EPHA6: variants seen among roughly 807,000 people sequenced by gnomAD.
EPHA6 encodes the protein EPH receptor A6, also known as ephrin type-A receptor 6.
In EPHA6, 50 loss-of-function variants were observed where a neutral mutation model predicts 112.0. That is an observed-to-expected ratio of 0.45 (90% CI 0.36 to 0.56). EPHA6 has a LOEUF of 0.56. Among genes scored for constraint, EPHA6 ranks in the 20% least tolerant of loss-of-function variants. EPHA6 has a pLI of 0.00. For missense variants in EPHA6, 1,280 were observed against 1,417.4 expected, an observed-to-expected ratio of 0.90 and a Z score of 1.56; for synonymous variants, 529 against 490.7, an observed-to-expected ratio of 1.08 and a Z score of -1.03.
At position 96,881,983 on chromosome 3, in the gene EPHA6, G is replaced by A. The variant is rs536360930; in HGVS notation, c.450+15094G>A. Among the ~76,000 whole-genome samples, 4 of 152,328 alleles carry A rather than the reference G, an allele frequency of 2.6e-5. No homozygotes were observed. In the East Asian group the frequency reaches 5.8e-4, roughly 22 times the overall value. On this transcript the variant is annotated intron_variant, in intron 2 of 17. Transcript: ENST00000389672. ...TGTGGTCTTGGGCAGCTCTGCCCCT[G>A]TGGCTTTGCGGGGTACAGCCTCCCT... is the stretch of plus-strand genomic sequence containing the variant.
At chr3:97,397,351 AAG>A (rs1012648047) in intron 5 of EPHA6, among the ~76,000 whole-genome samples, 4 of 151,662 alleles carry the variant, frequency 2.6e-5, no homozygotes, top group African/African-American at 9.7e-5. Flanking sequence ...TCATTACTTC[AAG>A]AGTGTTACCA....
chr3:97,680,856 C>T (rs1282170187), intron 14 of EPHA6, among the ~76,000 whole-genome samples: 1 of 152,130 alleles, frequency 6.6e-6, no homozygotes, highest in South Asian at 2.1e-4. Context: ...GTACTTTTTA[C>T]AAAAGTGAAC....
intron 1 of EPHA6, among the ~76,000 whole-genome samples, chr3:96,844,343 T>G (rs779075173): frequency 2.6e-5 from 4 of 152,158 alleles, no homozygotes; most frequent in Non-Finnish European, 4.4e-5. Flanking sequence ...TTAGTTAAAC[T>G]TCCCCTGACT....
chr3:96,879,869 T>C (rs543872894), intron 2 of EPHA6, among the ~76,000 whole-genome samples: 3 of 152,262 alleles, frequency 2.0e-5, no homozygotes, highest in Admixed American at 6.5e-5. Context: ...CCTGAGACTT[T>C]ACTGAATTCA....
chr3:97,020,298 T>C (rs1204593852), intron 3 of EPHA6, among the ~76,000 whole-genome samples: 3 of 152,168 alleles, frequency 2.0e-5, no homozygotes, highest in Non-Finnish European at 4.4e-5. Flanking sequence ...AAAATATAGA[T>C]ATATGCGGAT....
At chr3:97,065,533 T>C (rs1306932552) in intron 3 of EPHA6, among the ~76,000 whole-genome samples, 1 of 152,100 alleles carries the variant, frequency 6.6e-6, no homozygotes, top group Non-Finnish European at 1.5e-5. Context: ...ATTCAACTCA[T>C]TGCATATCCA....
chr3:96,888,053 C>G (rs1430897453), intron 2 of EPHA6, among the ~76,000 whole-genome samples: 1 of 152,168 alleles, frequency 6.6e-6, no homozygotes, highest in Admixed American at 6.5e-5. Context: ...TGACTCTTCC[C>G]CCACCTGTGG....
rs1383175842 is a variant in EPHA6, at chr3:97,130,713, G to A, written c.1115-95551G>A. On this transcript the variant is annotated intron_variant, in intron 3 of 17. Transcript: ENST00000389672. ...CATATTAATTCATCTGACATTAGGG[G>A]AATATTAAGGAATGTAGACTTGAAT... 2.0e-5 allele frequency among the ~76,000 whole-genome samples: 3 copies of A among 152,026 alleles called. No homozygotes were observed. The South Asian group carries it at 6.2e-4, about 32-fold the overall frequency.
At chr3:96,961,680 T>C (rs557794673) in intron 2 of EPHA6, among the ~76,000 whole-genome samples, 1 of 152,320 alleles carries the variant, frequency 6.6e-6, no homozygotes, top group South Asian at 2.1e-4. Flanking sequence ...GGTAAGAATG[T>C]TGGCAATTGA....
rs530291097 is a variant in EPHA6, at chr3:97,624,328, T to G, written c.2574+13474T>G. ...AGATCTTCCCCCTTCATTCAGTTAA[T>G]GTGGTGTGTTACATTGACTGACTTT... On this transcript the variant is annotated intron_variant, in intron 13 of 17. Coordinates refer to ENST00000389672, the MANE Select transcript of EPHA6 (RefSeq NM_001080448.3). 3.3e-5 allele frequency among the ~76,000 whole-genome samples: 5 copies of G among 151,560 alleles called. No individual in the cohort carries two copies. The South Asian group carries it at 1.0e-3, about 32-fold the overall frequency.
intron 2 of EPHA6, among the ~76,000 whole-genome samples, chr3:96,911,731 TTTAAA>T (rs975687781): frequency 6.6e-6 from 1 of 152,108 alleles, no homozygotes; most frequent in African/African-American, 2.4e-5. Flanking sequence ...TACTTTGTCA[TTTAAA>T]TTAATCTATA....
chr3:97,518,868 T>C (rs922122107), intron 10 of EPHA6, among the ~76,000 whole-genome samples: 1 of 152,078 alleles, frequency 6.6e-6, no homozygotes, highest in African/African-American at 2.4e-5. Flanking sequence ...TTTTGGGTTG[T>C]TTGAGTTCCT....
At chr3:97,303,471 A>G (rs1234839061) in intron 5 of EPHA6, among the ~76,000 whole-genome samples, 1 of 152,006 alleles carries the variant, frequency 6.6e-6, no homozygotes, top group Non-Finnish European at 1.5e-5. Context: ...GAATTTATGA[A>G]TTAATTAGGG....
intron 1 of EPHA6, among the ~76,000 whole-genome samples, chr3:96,854,255 C>G (rs1340110520): frequency 6.7e-6 from 1 of 149,714 alleles, no homozygotes; most frequent in Non-Finnish European, 1.5e-5. Flanking sequence ...TCTCAGCTCA[C>G]TGCAACCTCT....
chr3:97,623,669 C>CAA (rs2093831693), intron 13 of EPHA6, among the ~76,000 whole-genome samples: 1 of 151,536 alleles, frequency 6.6e-6, no homozygotes, highest in South Asian at 2.1e-4. Flanking sequence ...CCCTCTTTTA[C>CAA]AATAGCATTA....
Position 96,960,276 on chromosome 3 carries a change from C to A in EPHA6, c.451-27054C>A, listed in dbSNP as rs547250000. On this transcript the variant is annotated intron_variant, in intron 2 of 17. Coordinates refer to ENST00000389672, the MANE Select transcript of EPHA6 (RefSeq NM_001080448.3). ...TTTTTTCTTTATTGGAGGTGAGAGC[C>A]ATTAATGGGTTTGAAGTCAGTATCC... 7.2e-5 allele frequency among the ~76,000 whole-genome samples: 11 copies of A among 152,158 alleles called. No individual in the cohort carries two copies. The South Asian group carries it at 1.5e-3, about 20-fold the overall frequency.
At chr3:97,563,712 TG>T (rs2093223825) in intron 11 of EPHA6, among the ~76,000 whole-genome samples, 1 of 152,186 alleles carries the variant, frequency 6.6e-6, no homozygotes, top group Admixed American at 6.5e-5. Context: ...AAACTTACAG[TG>T]AATGGAGTAT....
chr3:97,127,922 A>G (rs2048227907), intron 3 of EPHA6, among the ~76,000 whole-genome samples: 2 of 151,772 alleles, frequency 1.3e-5, no homozygotes, highest in Admixed American at 1.3e-4. Context: ...TTAGTTACAT[A>G]GATGTACAGA....
At chr3:97,702,561 C>T (rs753999459) in intron 14 of EPHA6, among the ~76,000 whole-genome samples, 113 of 152,116 alleles carry the variant, frequency 7.4e-4, no homozygotes, top group Non-Finnish European at 1.5e-3. Flanking sequence ...GAAACTTTTT[C>T]CCCATTCATT....
Sources: gnomAD v4.1 joint callset for allele counts (sites outside exome capture counted in the v4.1 genomes callset) on GRCh38, gnomAD v4.1.1 for gene constraint, MANE v1.5 for transcripts, NCBI Gene and HGNC (gene_info 2026-07-23, HGNC 2026-07-21) for gene names.